The following CTRC variants were observed in gnomAD, a reference collection of about 807,000 sequenced individuals.
CTRC encodes chymotrypsin C.
CTRC carries 32 observed loss-of-function variants against 35.7 expected under a neutral mutation model. The observed-to-expected ratio is 0.90, with a 90% CI of 0.68 to 1.20. CTRC has a LOEUF of 1.20. Among genes scored for constraint, CTRC ranks in the 50% most tolerant of loss-of-function variants. The probability of loss-of-function intolerance (pLI) is 0.00; values close to 1 mark genes in which losing one functional copy is unlikely to be tolerated. For missense variants in CTRC, 324 were observed against 361.5 expected (o/e 0.90, Z 0.84); for synonymous variants, 119 against 149.5 (o/e 0.80, Z 1.49).
chr1:15,445,958 GCATT>G (rs71000402), intron 7 of CTRC, among the ~76,000 whole-genome samples: 32 of 95,400 alleles, frequency 3.4e-4, no homozygotes, highest in African/African-American at 1.4e-3. Context: ...ATTCACTCAT[GCATT>G]CATTCATTCA....
intron 1 of CTRC, among the ~76,000 whole-genome samples, chr1:15,438,851 T>G (rs1471077223): frequency 6.6e-6 from 1 of 152,220 alleles, no homozygotes; most frequent in East Asian, 1.9e-4. Context: ...CCCTTGAGGA[T>G]TCTCCATTCC....
rs199897030 is a variant in CTRC, at chr1:15,445,555, G to C, written c.640-42G>C. 4.8e-3 allele frequency: 7,508 copies of C among 1,564,676 alleles called. 24 individuals carry two copies. The highest frequency in any genetic ancestry group is 5.3e-3 in the Non-Finnish European group (6,057 of 1,141,666). On this transcript the variant is annotated intron_variant, in intron 6 of 7. Coordinates refer to ENST00000375949, the MANE Select transcript of CTRC (RefSeq NM_007272.3). ...AGTCCTGCTTCCCAAGACTTCCTCTGGGGGGGGGCCTGGTGGCTTATGCCC... is the reference window on the plus strand; with the variant it reads ...AGTCCTGCTTCCCAAGACTTCCTCTCGGGGGGGGCCTGGTGGCTTATGCCC...
At chr1:15,443,673 A>T in intron 5 of CTRC, 118 bp downstream of exon 5, 1 of 1,239,382 alleles carries the variant, frequency 8.1e-7, no homozygotes, top group Non-Finnish European at 1.2e-6. Flanking sequence ...TAAACTTTGT[A>T]ACAATAACAG....
intron 4 of CTRC, 87 bp downstream of exon 4, chr1:15,442,659 C>G: frequency 6.4e-7 from 1 of 1,566,404 alleles, no homozygotes; most frequent in East Asian, 2.3e-5. Flanking sequence ...CCTGTCGCAC[C>G]CCATACCTGA....
At chr1:15,439,529 G>GAC (rs1708093187) in intron 1 of CTRC, among the ~76,000 whole-genome samples, 1 of 152,096 alleles carries the variant, frequency 6.6e-6, no homozygotes, top group Non-Finnish European at 1.5e-5. Flanking sequence ...TATCTTGCCT[G>GAC]ACATCACATG....
Position 15,448,911 on chromosome 1 carries a change from A to G in CTRC, c.*2322A>G, listed in dbSNP as rs1337158657. ...AATTAAAATGTTAATTAATATTACAATGTTATTTAAGCAATGTTAAATAAT... is the reference window on the plus strand; with the variant it reads ...AATTAAAATGTTAATTAATATTACAGTGTTATTTAAGCAATGTTAAATAAT... On this transcript the variant is annotated 3_prime_UTR_variant, in exon 8 of 8. Coordinates refer to ENST00000375949, the MANE Select transcript of CTRC (RefSeq NM_007272.3). The G allele has an allele frequency of 6.6e-6, 1 of 152,218 alleles. No homozygotes were observed. The highest frequency in any genetic ancestry group is 1.5e-5 in the Non-Finnish European group (1 of 68,046). The allele number at this position is 152,218 out of a possible 1,614,324, so 9.4% of individuals were successfully genotyped here.
At chr1:15,438,876 G>A (rs1708081245) in intron 1 of CTRC, among the ~76,000 whole-genome samples, 3 of 152,136 alleles carry the variant, frequency 2.0e-5, no homozygotes, top group Admixed American at 6.5e-5. Flanking sequence ...TTTTGGTGGC[G>A]TTTTCCCAGA....
In CTRC at chr1:15,444,686, T is replaced by C; in HGVS notation, c.574T>C (p.Trp192Arg). The C allele has an allele frequency of 6.2e-7, 1 of 1,614,000 alleles. No individual in the cohort carries two copies. Among genetic ancestry groups the C allele is most frequent in the Non-Finnish European group, 8.5e-7 (1 of 1,179,960 alleles). ...CGCCACGTGCTCCAGGATTGACTGG[T>C]GGGGCTTCAGGGTGAAGAAAACCAT... The part of the protein sequence containing the change: ...DHATCSRIDW[W>R]GFRVKKTMVC... Residue 192 changes from tryptophan to arginine, a missense_variant, in exon 6 of 8, where the codon TGG (tryptophan) becomes CGG (arginine). By Grantham distance (101) the Trp-to-Arg change is moderately radical (BLOSUM62 -3). Transcript: ENST00000375949.
At chr1:15,441,302 G>A (rs1369092051) in intron 3 of CTRC, among the ~76,000 whole-genome samples, 2 of 152,150 alleles carry the variant, frequency 1.3e-5, no homozygotes, top group Non-Finnish European at 2.9e-5. Flanking sequence ...GGGACATTTC[G>A]GAGAGCTAAA....
At chr1:15,443,816 A>C (rs996295887) in intron 5 of CTRC, among the ~76,000 whole-genome samples, 1 of 152,220 alleles carries the variant, frequency 6.6e-6, no homozygotes, top group Non-Finnish European at 1.5e-5. Context: ...GTGTCACATA[A>C]ATAAACTAAA....
At chr1:15,444,552 G>T in intron 5 of CTRC, 54 bp from the exon 6 acceptor site, 1 of 1,611,782 alleles carries the variant, frequency 6.2e-7, no homozygotes. Flanking sequence ...CCTGGGGAGG[G>T]GCTGGACTGG....
chr1:15,446,924 T>A lies in CTRC; in HGVS notation c.*335T>A. The A allele has an allele frequency of 2.2e-6, 1 of 457,296 alleles. No individual in the cohort carries two copies. Among genetic ancestry groups the A allele is most frequent in the Non-Finnish European group, 4.1e-6 (1 of 246,474 alleles). 28.3% of individuals were successfully genotyped at this position (457,296 alleles called of 1,614,324 possible). ...AGGACGCATCAGACACCTTCCCCGCTCCATCTCACAAGCTGCGAACAGGTG... is the reference window on the plus strand; with the variant it reads ...AGGACGCATCAGACACCTTCCCCGCACCATCTCACAAGCTGCGAACAGGTG... On this transcript the variant is annotated 3_prime_UTR_variant, in exon 8 of 8. Transcript: ENST00000375949.
chr1:15,443,742 T>C (rs369054058), intron 5 of CTRC, among the ~76,000 whole-genome samples, 187 bp downstream of exon 5: 6 of 152,314 alleles, frequency 3.9e-5, no homozygotes, highest in African/African-American at 1.2e-4. Flanking sequence ...CTCTGAGAGA[T>C]GTGGTAAAGT....
rs1708257681 is a variant in CTRC, at chr1:15,448,950, T to G, written c.*2361T>G. On this transcript the variant is annotated 3_prime_UTR_variant, in exon 8 of 8. Transcript: ENST00000375949. ...ATGTTAAATAATATCTAACATTTAT[T>G]GGGCACTTAGTATGTGCCAAGCACT... 6.6e-6 allele frequency: 1 copy of G among 152,230 alleles called. No homozygotes were observed. The highest frequency in any genetic ancestry group is 2.1e-4 in the South Asian group (1 of 4,836). 9.4% of individuals were successfully genotyped at this position (152,230 alleles called of 1,614,324 possible).
At chr1:15,439,254 C>T (rs564931690) in intron 1 of CTRC, among the ~76,000 whole-genome samples, 2 of 151,936 alleles carry the variant, frequency 1.3e-5, no homozygotes, top group African/African-American at 2.4e-5. Context: ...GATGAAACCC[C>T]GTTTCTACTA....
intron 4 of CTRC, among the ~76,000 whole-genome samples, chr1:15,442,783 A>G (rs935724764): frequency 4.6e-5 from 7 of 152,114 alleles, no homozygotes; most frequent in African/African-American, 1.4e-4. Context: ...GACTCCCAGG[A>G]AAGTCCACAA....
At chr1:15,440,628 C>CG (rs1557508430) in intron 3 of CTRC, 38 bp downstream of exon 3, 1 of 1,592,626 alleles carries the variant, frequency 6.3e-7, no homozygotes, top group Admixed American at 1.7e-5. Context: ...GGCCATCGTC[C>CG]GGGGGCGGAA....
chr1:15,445,875 T>G, intron 7 of CTRC, 126 bp downstream of exon 7: 1 of 1,136,380 alleles, frequency 8.8e-7, no homozygotes, highest in Non-Finnish European at 1.3e-6. Flanking sequence ...TTCATGCATT[T>G]ATTCACTCAT....
At chr1:15,444,224 T>A (rs1242398779) in intron 5 of CTRC, among the ~76,000 whole-genome samples, 4 of 151,642 alleles carry the variant, frequency 2.6e-5, no homozygotes, top group East Asian at 1.9e-4. Flanking sequence ...GCCACTGCTG[T>A]CCAGCCTGAG....
Sources: gnomAD v4.1 joint callset for allele counts (sites outside exome capture counted in the v4.1 genomes callset) on GRCh38, gnomAD v4.1.1 for gene constraint, MANE v1.5 for transcripts, NCBI Gene and HGNC (gene_info 2026-07-23, HGNC 2026-07-21) for gene names.